TUSC3: variants seen among roughly 807,000 people sequenced by gnomAD.
The protein encoded by TUSC3 is dolichyl-diphosphooligosaccharide--protein glycosyltransferase subunit TUSC3.
Under a neutral mutation model 44.8 loss-of-function variants are expected in TUSC3, and 45 were observed. The ratio of observed to expected loss-of-function variants is 1.00; its 90% CI spans 0.79 to 1.29. The LOEUF is 1.29. Among genes scored for constraint, TUSC3 ranks in the 50% most tolerant of loss-of-function variants. The pLI, the probability that TUSC3 is intolerant of heterozygous loss-of-function variation, is 0.00. For missense variants in TUSC3, 519 were observed against 437.9 expected, an observed-to-expected ratio of 1.19 and a Z score of -1.65; for synonymous variants, 212 against 152.9, an observed-to-expected ratio of 1.39 and a Z score of -2.85.
intron 2 of TUSC3, among the ~76,000 whole-genome samples, chr8:15,494,254 C>A (rs940556853): frequency 6.6e-6 from 1 of 151,302 alleles, no homozygotes; most frequent in South Asian, 2.1e-4. Context: ...GTGTGAGTGA[C>A]ATGTAGCAAT....
chr8:15,502,680 T>A (rs1976290), intron 2 of TUSC3, among the ~76,000 whole-genome samples: 138,885 of 152,220 alleles, frequency 0.91, 63,524 homozygotes, highest in South Asian at 0.95. Flanking sequence ...TTTAGTAGAG[T>A]CAGGGTTTCA....
chr8:15,624,927 T>C (rs1805424500), intron 2 of TUSC3, among the ~76,000 whole-genome samples: 1 of 152,214 alleles, frequency 6.6e-6, no homozygotes, highest in Admixed American at 6.5e-5. Context: ...TTTGATGTTT[T>C]ACAGTTTGAT....
the TUSC3 span, among the ~76,000 whole-genome samples, chr8:15,842,466 T>C: frequency 6.6e-6 from 1 of 152,206 alleles, no homozygotes; most frequent in Non-Finnish European, 1.5e-5. Context: ...ATTTATTTTA[T>C]CCTGACAGTT....
chr8:15,507,411 C>G, intron 2 of TUSC3, among the ~76,000 whole-genome samples: 1 of 152,094 alleles, frequency 6.6e-6, no homozygotes. Context: ...TAATAAAGAA[C>G]TGCACAGTTG....
intron 2 of TUSC3, among the ~76,000 whole-genome samples, chr8:15,520,047 C>A (rs1249107330): frequency 1.3e-5 from 2 of 152,162 alleles, no homozygotes; most frequent in Admixed American, 6.6e-5. Flanking sequence ...CAGTGTGTAC[C>A]TAATAAGATT....
At chr8:15,727,390 G>A (rs1466285707) in intron 6 of TUSC3, among the ~76,000 whole-genome samples, 9 of 152,102 alleles carry the variant, frequency 5.9e-5, no homozygotes. Context: ...TGTAATTTGT[G>A]TAGCTGTAAT....
chr8:15,454,166 A>C (rs1800227732), intron 1 of TUSC3, among the ~76,000 whole-genome samples: 1 of 152,168 alleles, frequency 6.6e-6, no homozygotes, highest in Non-Finnish European at 1.5e-5. Flanking sequence ...AAGACCCCGG[A>C]AGCATGACAG....
At chr8:15,524,550 A>C (rs918339180) in intron 2 of TUSC3, among the ~76,000 whole-genome samples, 12 of 152,186 alleles carry the variant, frequency 7.9e-5, no homozygotes, top group African/African-American at 2.9e-4. Flanking sequence ...ATCCAATATT[A>C]ATATTTGGAG....
chr8:15,553,405 T>G (rs894189397), intron 1 of TUSC3, among the ~76,000 whole-genome samples: 1 of 151,298 alleles, frequency 6.6e-6, no homozygotes, highest in Non-Finnish European at 1.5e-5. Context: ...CTGGAGGAGC[T>G]TAGAAGGAAA....
chr8:15,721,881 A>G (rs1810317004), intron 6 of TUSC3, among the ~76,000 whole-genome samples: 1 of 151,566 alleles, frequency 6.6e-6, no homozygotes, highest in Non-Finnish European at 1.5e-5. Context: ...GAAGCTCTCT[A>G]ATTGGTATAG....
chr8:15,769,960 T>C (rs936970132), downstream of TUSC3, among the ~76,000 whole-genome samples: 3 of 152,150 alleles, frequency 2.0e-5, no homozygotes, highest in Non-Finnish European at 4.4e-5. Context: ...TTTACACTGT[T>C]GGTGGGAGTG....
At chr8:15,562,164 A>G (rs1046471308) in intron 1 of TUSC3, among the ~76,000 whole-genome samples, 1 of 152,188 alleles carries the variant, frequency 6.6e-6, no homozygotes, top group South Asian at 2.1e-4. Context: ...CTTATAACCT[A>G]GTTGGGGTAT....
chr8:15,828,542 A>G, the TUSC3 span, among the ~76,000 whole-genome samples: 1 of 152,216 alleles, frequency 6.6e-6, no homozygotes, highest in African/African-American at 2.4e-5. Flanking sequence ...GTAGTAAACA[A>G]ATGGGAATTT....
chr8:15,643,679 T>C (rs1806488702), intron 2 of TUSC3, among the ~76,000 whole-genome samples: 1 of 152,194 alleles, frequency 6.6e-6, no homozygotes, highest in Non-Finnish European at 1.5e-5. Flanking sequence ...AATATGGTAG[T>C]GAACTGTTGA....
chr8:15,534,592 G>A (rs58353285), intron 2 of TUSC3, among the ~76,000 whole-genome samples: 26,352 of 149,742 alleles, frequency 0.18, 2,548 homozygotes, highest in Non-Finnish European at 0.22. Flanking sequence ...GCCAGTGGCC[G>A]AGATCGCGCC....
intron 9 of TUSC3, among the ~76,000 whole-genome samples, chr8:15,749,741 T>C (rs1236245322): frequency 6.6e-6 from 1 of 150,568 alleles, no homozygotes; most frequent in Non-Finnish European, 1.5e-5. Context: ...AGTTTTTTTT[T>C]TTTTTCTTTT....
intron 2 of TUSC3, among the ~76,000 whole-genome samples, chr8:15,511,198 T>C (rs1010994186): frequency 5.9e-5 from 9 of 151,934 alleles, no homozygotes; most frequent in African/African-American, 2.2e-4. Context: ...TCACTCTTAC[T>C]ACTCCTATTC....
intron 1 of TUSC3, among the ~76,000 whole-genome samples, chr8:15,452,127 A>C (rs1005343585): frequency 6.6e-6 from 1 of 152,166 alleles, no homozygotes; most frequent in Non-Finnish European, 1.5e-5. Context: ...GTTTTACATG[A>C]CGTTAACCGT....
In TUSC3 at chr8:15,750,189, C is replaced by T. The variant is rs532184007; in HGVS notation, c.1028+1724C>T. ...AGACGCAGAGTTTCACTGTGTTAGCCAGGATGGTCTCGATCTCCTGACCTC... is the reference window on the plus strand; with the variant it reads ...AGACGCAGAGTTTCACTGTGTTAGCTAGGATGGTCTCGATCTCCTGACCTC... On this transcript the variant is annotated intron_variant, in intron 9 of 10. Coordinates refer to ENST00000503731, the MANE Select transcript of TUSC3 (RefSeq NM_006765.4). 2.6e-5 allele frequency among the ~76,000 whole-genome samples: 4 copies of T among 151,934 alleles called. No homozygotes were observed. The South Asian group carries it at 6.3e-4, about 24-fold the overall frequency.
Sources: allele counts gnomAD v4.1 joint callset (sites outside exome capture counted in the v4.1 genomes callset), GRCh38; gene constraint gnomAD v4.1.1; transcripts MANE v1.5; gene names NCBI Gene and HGNC (gene_info 2026-07-23, HGNC 2026-07-21).